Variants in UBE2W observed in about 807,000 individuals in gnomAD.
UBE2W encodes the protein ubiquitin conjugating enzyme E2 W, also known as ubiquitin-conjugating enzyme E2 W.
Under a neutral mutation model 27.2 loss-of-function variants are expected in UBE2W, and 18 were observed. The observed-to-expected ratio is 0.66, with a 90% CI of 0.46 to 0.98. UBE2W has a LOEUF of 0.98. Ranked by LOEUF, UBE2W falls within the 50% of genes least tolerant of loss-of-function variation. UBE2W has a pLI of 0.00. For synonymous variants in UBE2W, 53 were observed against 57.2 expected, an observed-to-expected ratio of 0.93 and a Z score of 0.33; for missense variants, 90 against 180.2, an observed-to-expected ratio of 0.50 and a Z score of 2.87.
chr8:73,827,569 A>C (rs1809901688), intron 2 of UBE2W, among the ~76,000 whole-genome samples: 1 of 150,802 alleles, frequency 6.6e-6, no homozygotes, highest in East Asian at 2.0e-4. Flanking sequence ...TCACTCTGTC[A>C]CCCAGGCTGG....
intron 1 of UBE2W, among the ~76,000 whole-genome samples, chr8:73,870,933 G>A (rs1157028833): frequency 6.6e-6 from 1 of 151,742 alleles, no homozygotes; most frequent in Non-Finnish European, 1.5e-5. Flanking sequence ...GGACAATAAG[G>A]CTACAGAGAC....
At chr8:73,875,989 T>C (rs1319110716) in intron 1 of UBE2W, among the ~76,000 whole-genome samples, 1 of 151,812 alleles carries the variant, frequency 6.6e-6, no homozygotes, top group Non-Finnish European at 1.5e-5. Flanking sequence ...GGAGCGGAGG[T>C]TGCAGTGAGC....
chr8:73,839,613 C>A (rs1810454019), intron 1 of UBE2W, among the ~76,000 whole-genome samples: 1 of 151,356 alleles, frequency 6.6e-6, no homozygotes, highest in Non-Finnish European at 1.5e-5. Flanking sequence ...GCCGAGATCA[C>A]GCCACTGCAC....
intron 1 of UBE2W, chr8:73,870,314 A>G (rs780132923): frequency 1.0e-5 from 16 of 1,574,814 alleles, no homozygotes; most frequent in Non-Finnish European, 1.4e-5. Flanking sequence ...GAAAATACAA[A>G]GAAAGACCTC....
chr8:73,848,467 G>C (rs1255982184), intron 1 of UBE2W, among the ~76,000 whole-genome samples: 9 of 152,236 alleles, frequency 5.9e-5, no homozygotes, highest in South Asian at 2.1e-4. Flanking sequence ...TGGGAGGATC[G>C]CTTTCCAGGA....
intron 3 of UBE2W, among the ~76,000 whole-genome samples, chr8:73,821,505 A>T (rs924498811): frequency 1.0e-5 from 1 of 97,038 alleles, no homozygotes; most frequent in African/African-American, 4.2e-5. Flanking sequence ...GTGGAGTGAG[A>T]CAGAGTGTGT....
chr8:73,820,513 G>A (rs2130890327), intron 3 of UBE2W, among the ~76,000 whole-genome samples: 1 of 152,126 alleles, frequency 6.6e-6, no homozygotes, highest in Admixed American at 6.5e-5. Context: ...GAGGCGAGCA[G>A]ATCACTTTAG....
chr8:73,844,748 T>A (rs1367737178), intron 1 of UBE2W, among the ~76,000 whole-genome samples: 3 of 149,480 alleles, frequency 2.0e-5, no homozygotes, highest in Non-Finnish European at 3.0e-5. Flanking sequence ...GGGGAGCACC[T>A]CTGCCCCGCC....
At chr8:73,836,766 G>T (rs1192307367) in intron 1 of UBE2W, among the ~76,000 whole-genome samples, 1 of 152,204 alleles carries the variant, frequency 6.6e-6, no homozygotes, top group Non-Finnish European at 1.5e-5. Flanking sequence ...TAGTATTTAG[G>T]ACAGAACACT....
At chr8:73,845,570 G>C (rs371976446) in intron 1 of UBE2W, among the ~76,000 whole-genome samples, 2 of 152,096 alleles carry the variant, frequency 1.3e-5, no homozygotes, top group South Asian at 4.2e-4. Context: ...CAAACATTGC[G>C]GAAGGCGGCA....
At chr8:73,817,567 G>T (rs1809445932) in intron 3 of UBE2W, among the ~76,000 whole-genome samples, 1 of 152,056 alleles carries the variant, frequency 6.6e-6, no homozygotes, top group South Asian at 2.1e-4. Context: ...CGCCAGGCTG[G>T]AGTGCAGTGG....
intron 1 of UBE2W, among the ~76,000 whole-genome samples, chr8:73,856,005 T>A (rs13257296): frequency 0.68 from 103,962 of 151,986 alleles, 37,944 homozygotes; most frequent in East Asian, 0.93. Context: ...ATAGTTTATA[T>A]TCTCATTATG....
chr8:73,817,189 G>T (rs948693333), intron 3 of UBE2W, among the ~76,000 whole-genome samples: 1 of 149,426 alleles, frequency 6.7e-6, no homozygotes, highest in Non-Finnish European at 1.5e-5. Context: ...TTAGCTGGGT[G>T]TGGTGGTGCA....
In UBE2W at chr8:73,870,711, G is replaced by T. The variant is rs116564851; in HGVS notation, c.15+8097C>A. Among the ~76,000 whole-genome samples the T allele has an allele frequency of 2.7e-3, 393 of 148,112 alleles. 1 individual carries two copies. Among genetic ancestry groups the T allele is most frequent in the African/African-American group, 9.4e-3 (381 of 40,428 alleles). ...ATTAATACATAGCCAAAGGTATGAA[G>T]AATTTATCAAGGTAAAGGAAATTAT... On this transcript the variant is annotated intron_variant, in intron 1 of 5. Coordinates refer to ENST00000602593, the MANE Select transcript of UBE2W (RefSeq NM_018299.6).
chr8:73,868,087 CATGACTG>C (rs981814746), intron 1 of UBE2W, among the ~76,000 whole-genome samples: 6 of 152,138 alleles, frequency 3.9e-5, no homozygotes, highest in Non-Finnish European at 5.9e-5. Context: ...ATGTTAATAC[CATGACTG>C]GTGGCTGGGG....
At chr8:73,867,693 C>T (rs1473262706) in intron 1 of UBE2W, among the ~76,000 whole-genome samples, 1 of 141,660 alleles carries the variant, frequency 7.1e-6, no homozygotes, top group Non-Finnish European at 1.5e-5. Context: ...GCGTGAGTGA[C>T]GGAGTGAGGC....
At position 73,790,961 on chromosome 8, in the gene UBE2W, A is replaced by G; in HGVS notation, c.*3141T>C. On this transcript the variant is annotated 3_prime_UTR_variant, in exon 6 of 6. Coordinates refer to ENST00000602593, the MANE Select transcript of UBE2W (RefSeq NM_018299.6). ...TTTAAAATTTCATGAGGGAAAAGGT[A>G]ATAAACTATTCTAGTTATTTTATAC... The G allele has an allele frequency of 1.0e-6, 1 of 980,086 alleles. No homozygotes were observed. Among genetic ancestry groups the G allele is most frequent in the Non-Finnish European group, 1.2e-6 (1 of 825,074 alleles). The allele number at this position is 980,086 out of a possible 1,614,324, so 60.7% of individuals were successfully genotyped here. A position where few individuals can be genotyped will look rare whatever the true frequency, so the allele number is the denominator to read the frequency against.
intron 1 of UBE2W, among the ~76,000 whole-genome samples, chr8:73,869,576 A>T (rs1811914931): frequency 6.6e-6 from 1 of 152,200 alleles, no homozygotes. Flanking sequence ...CTGCAGTCCC[A>T]GCTACTCGGG....
intron 1 of UBE2W, among the ~76,000 whole-genome samples, chr8:73,842,455 G>T (rs1810576470): frequency 6.7e-6 from 1 of 148,254 alleles, no homozygotes; most frequent in Admixed American, 6.7e-5. Context: ...TGTGAACCCG[G>T]GAGGTGGAGC....
Sources: gnomAD v4.1 joint callset for allele counts (sites outside exome capture counted in the v4.1 genomes callset) on GRCh38, gnomAD v4.1.1 for gene constraint, MANE v1.5 for transcripts, NCBI Gene and HGNC (gene_info 2026-07-23, HGNC 2026-07-21) for gene names.